Variants in KCNAB1 observed in about 807,000 individuals in gnomAD.
The protein encoded by KCNAB1 is voltage-gated potassium channel subunit beta-1.
A neutral mutation model predicts 64.6 loss-of-function variants in KCNAB1; 35 were observed. The observed-to-expected ratio is 0.54, with a 90% CI of 0.41 to 0.72. The LOEUF (loss-of-function observed/expected upper bound fraction) is 0.72, where lower values mean the gene tolerates loss of function less well. Among genes scored for constraint, KCNAB1 ranks in the 30% least tolerant of loss-of-function variants. The pLI, the probability that KCNAB1 is intolerant of heterozygous loss-of-function variation, is 0.00. For missense variants in KCNAB1, 401 were observed against 512.9 expected (o/e 0.78, Z 2.11); for synonymous variants, 177 against 183.8 (o/e 0.96, Z 0.30).
intron 1 of KCNAB1, among the ~76,000 whole-genome samples, chr3:156,234,344 AAGG>A (rs1243338304): frequency 6.6e-6 from 1 of 152,092 alleles, no homozygotes; most frequent in Non-Finnish European, 1.5e-5. Flanking sequence ...ATACTGTAAG[AAGG>A]AGAAGAGAGA....
intron 1 of KCNAB1, among the ~76,000 whole-genome samples, chr3:156,137,173 A>G (rs1714393421): frequency 6.9e-6 from 1 of 145,934 alleles, no homozygotes. Flanking sequence ...ATCCTCTCCT[A>G]CTCATTTTTT....
chr3:156,177,934 C>T (rs564601012), intron 1 of KCNAB1, among the ~76,000 whole-genome samples: 36 of 151,984 alleles, frequency 2.4e-4, no homozygotes, highest in Admixed American at 3.9e-4. Context: ...GACGGGGTTT[C>T]ACCATGTTGG....
intron 1 of KCNAB1, among the ~76,000 whole-genome samples, chr3:156,346,147 G>A (rs568292329): frequency 2.8e-4 from 43 of 151,566 alleles, no homozygotes; most frequent in African/African-American, 8.7e-4. Context: ...ATATGAACAC[G>A]GAAAACTCTT....
In KCNAB1 at chr3:156,393,933, T is replaced by G. The variant is rs933745762; in HGVS notation, c.276-27683T>G. ...CCTTTTTAAAATATCTTTAATAAGT[T>G]TCCTTTGGCAGCTGAGAGAAATACC... On this transcript the variant is annotated intron_variant, in intron 1 of 13. Coordinates refer to ENST00000490337, the MANE Select transcript of KCNAB1 (RefSeq NM_172160.3). Among the ~76,000 whole-genome samples, 3 of 152,306 alleles carry G rather than the reference T, an allele frequency of 2.0e-5. No homozygotes were observed. The East Asian group carries it at 5.8e-4, about 29-fold the overall frequency.
At chr3:156,232,699 G>A (rs1468883806) in intron 1 of KCNAB1, among the ~76,000 whole-genome samples, 2 of 152,158 alleles carry the variant, frequency 1.3e-5, no homozygotes, top group African/African-American at 2.4e-5. Context: ...TTCCCCAAGT[G>A]TATAGGAATT....
intron 12 of KCNAB1, 77 bp from the exon 13 acceptor site, chr3:156,531,331 CA>C: frequency 2.8e-6 from 3 of 1,078,710 alleles, no homozygotes; most frequent in Non-Finnish European, 4.3e-6. Context: ...CTGCAACAAA[CA>C]GCTGTAGCAG....
chr3:156,190,999 T>G (rs146498869), intron 1 of KCNAB1, among the ~76,000 whole-genome samples: 65 of 152,298 alleles, frequency 4.3e-4, no homozygotes, highest in African/African-American at 1.6e-3. Flanking sequence ...TTTTAAATAA[T>G]AAAAATACAA....
rs1215906833 is a variant in KCNAB1 at position 156,304,393 on chromosome 3, A to G, written c.276-117223A>G. 2.0e-5 allele frequency among the ~76,000 whole-genome samples: 3 copies of G among 152,206 alleles called. No homozygotes were observed. In the East Asian group the frequency reaches 5.8e-4, roughly 29 times the overall value. On this transcript the variant is annotated intron_variant, in intron 1 of 13. Coordinates refer to ENST00000490337, the MANE Select transcript of KCNAB1 (RefSeq NM_172160.3). The stretch of plus-strand genomic sequence containing the variant: ...AAGCAAGCGATGTTATGCCCATTTT[A>G]AGTTACCGCAACTGAGGCACAACAT...
At chr3:156,307,568 C>A (rs1290648326) in intron 1 of KCNAB1, among the ~76,000 whole-genome samples, 2 of 152,012 alleles carry the variant, frequency 1.3e-5, no homozygotes, top group Non-Finnish European at 2.9e-5. Context: ...AAATCAAGGG[C>A]TGTGAAATCA....
At chr3:156,168,703 T>A (rs752445121) in intron 1 of KCNAB1, among the ~76,000 whole-genome samples, 1 of 152,242 alleles carries the variant, frequency 6.6e-6, no homozygotes, top group Non-Finnish European at 1.5e-5. Context: ...ATGAAGCTAG[T>A]GATGCTGTTG....
chr3:156,233,493 G>A (rs1411936277), intron 1 of KCNAB1, among the ~76,000 whole-genome samples: 2 of 152,184 alleles, frequency 1.3e-5, no homozygotes, highest in African/African-American at 4.8e-5. Context: ...GAAACAACAC[G>A]AATGGAGTGA....
chr3:156,463,868 T>G, intron 6 of KCNAB1, 122 bp downstream of exon 6: 1 of 667,668 alleles, frequency 1.5e-6, no homozygotes, highest in East Asian at 3.1e-5. Context: ...TTTTTGTTTT[T>G]TTTTTGTTTT....
In KCNAB1 at chr3:156,133,724, G is replaced by A. The variant is rs573009702; in HGVS notation, c.275+12838G>A. Among the ~76,000 whole-genome samples the A allele has an allele frequency of 7.2e-5, 11 of 152,218 alleles. No homozygotes were observed. In the South Asian group the frequency reaches 8.3e-4, roughly 11 times the overall value. On this transcript the variant is annotated intron_variant, in intron 1 of 13. Transcript: ENST00000490337. ...AGGTAAAAGGGTGATTAGTTATGCC[G>A]GGAGGCAGGGAGACAGGGAAGAGAA...
chr3:156,339,287 C>T lies in KCNAB1; in HGVS notation c.276-82329C>T, dbSNP rs563416299. Among the ~76,000 whole-genome samples the T allele has an allele frequency of 4.6e-5, 7 of 152,208 alleles. No homozygotes were observed. The South Asian group carries it at 1.5e-3, about 32-fold the overall frequency. Reference sequence around the variant, plus strand: ...GGAACATAAGGACTATTTTATTTACCTCTCAGAATAAAGTTTGCAGCAGTA... The same window carrying T: ...GGAACATAAGGACTATTTTATTTACTTCTCAGAATAAAGTTTGCAGCAGTA... On this transcript the variant is annotated intron_variant, in intron 1 of 13. Transcript: ENST00000490337.
intron 1 of KCNAB1, among the ~76,000 whole-genome samples, chr3:156,218,786 C>CAAAAAAAAAAAAAAAAAAAAAA (rs1228783831): frequency 4.3e-5 from 4 of 92,632 alleles, no homozygotes; most frequent in Non-Finnish European, 6.4e-5. Flanking sequence ...CCCAGAACAG[C>CAAAAAAAAAAAAAAAAAAAAAA]AAAAAAAAAA....
At chr3:156,352,214 G>A (rs747438956) in intron 1 of KCNAB1, among the ~76,000 whole-genome samples, 13 of 152,246 alleles carry the variant, frequency 8.5e-5, no homozygotes, top group Non-Finnish European at 1.3e-4. Context: ...GGCTCCTCCC[G>A]GGGACCCGCA....
At chr3:156,442,238 T>C (rs779582147) in intron 2 of KCNAB1, among the ~76,000 whole-genome samples, 8 of 152,140 alleles carry the variant, frequency 5.3e-5, no homozygotes, top group Non-Finnish European at 8.8e-5. Flanking sequence ...TTTCTAGGGG[T>C]AGATTTAGTG....
At chr3:156,433,718 A>T (rs932441265) in intron 2 of KCNAB1, among the ~76,000 whole-genome samples, 4 of 152,168 alleles carry the variant, frequency 2.6e-5, no homozygotes, top group African/African-American at 7.2e-5. Context: ...TCAGCTTGAC[A>T]AGGGAAAGAA....
At chr3:156,369,951 C>T (rs1726191568) in intron 1 of KCNAB1, among the ~76,000 whole-genome samples, 1 of 152,168 alleles carries the variant, frequency 6.6e-6, no homozygotes, top group African/African-American at 2.4e-5. Context: ...GCCAAAGATA[C>T]ACTAAATGTC....
Sources: allele counts gnomAD v4.1 joint callset (sites outside exome capture counted in the v4.1 genomes callset), GRCh38; gene constraint gnomAD v4.1.1; transcripts MANE v1.5; gene names NCBI Gene and HGNC (gene_info 2026-07-23, HGNC 2026-07-21).